The following TSHZ2 variants were observed in gnomAD, a reference collection of about 807,000 sequenced individuals.
The protein encoded by TSHZ2 is teashirt homolog 2.
Under a neutral mutation model 74.4 loss-of-function variants are expected in TSHZ2, and 21 were observed. The observed-to-expected ratio is 0.28, with a 90% confidence interval of 0.20 to 0.41. The LOEUF is 0.41. Ranked by LOEUF, TSHZ2 falls within the 10% of genes least tolerant of loss-of-function variation. The pLI, the probability that TSHZ2 is intolerant of heterozygous loss-of-function variation, is 1.00. For missense variants in TSHZ2, 1,244 were observed against 1,293.5 expected, an observed-to-expected ratio of 0.96 and a Z score of 0.59; for synonymous variants, 540 against 515.3, an observed-to-expected ratio of 1.05 and a Z score of -0.65.
chr20:53,029,963 G>A (rs1983578893), intron 1 of TSHZ2, among the ~76,000 whole-genome samples: 1 of 152,096 alleles, frequency 6.6e-6, no homozygotes, highest in Admixed American at 6.5e-5. Context: ...CCTGTGAGCT[G>A]CATGCTTCTG....
chr20:53,278,866 T>C (rs1294735281), intron 2 of TSHZ2, among the ~76,000 whole-genome samples: 1 of 152,192 alleles, frequency 6.6e-6, no homozygotes, highest in Non-Finnish European at 1.5e-5. Context: ...TTAGCAGTGC[T>C]GATCCTCTGC....
chr20:53,281,259 A>G (rs1238523651), intron 2 of TSHZ2, among the ~76,000 whole-genome samples: 3 of 152,210 alleles, frequency 2.0e-5, no homozygotes, highest in African/African-American at 7.2e-5. Flanking sequence ...GACCTAAATA[A>G]TGAGAAGCAG....
At chr20:53,125,298 G>A (rs1986916976) in intron 1 of TSHZ2, among the ~76,000 whole-genome samples, 1 of 152,114 alleles carries the variant, frequency 6.6e-6, no homozygotes, top group South Asian at 2.1e-4. Flanking sequence ...AGTCCTCCCT[G>A]GGCATAAGTC....
chr20:53,454,974 A>G (rs1984995110), intron 2 of TSHZ2, among the ~76,000 whole-genome samples: 1 of 151,040 alleles, frequency 6.6e-6, no homozygotes, highest in African/African-American at 2.4e-5. Flanking sequence ...CTTTCTTACC[A>G]CTCCCTAATT....
At chr20:53,324,693 G>A (rs912204463) in intron 2 of TSHZ2, among the ~76,000 whole-genome samples, 17 of 152,088 alleles carry the variant, frequency 1.1e-4, no homozygotes, top group Admixed American at 9.2e-4. Flanking sequence ...CACCTCCTCC[G>A]TGAAGACCTT....
intron 1 of TSHZ2, among the ~76,000 whole-genome samples, chr20:53,250,491 T>A (rs988559146): frequency 6.6e-6 from 1 of 151,918 alleles, no homozygotes; most frequent in Non-Finnish European, 1.5e-5. Flanking sequence ...GGTGTTTTTT[T>A]AAAAAAAACT....
intron 2 of TSHZ2, among the ~76,000 whole-genome samples, chr20:53,481,588 G>C (rs1465416142): frequency 6.8e-6 from 1 of 146,008 alleles, no homozygotes; most frequent in Non-Finnish European, 1.5e-5. Context: ...AAAAAAAATA[G>C]AAAAAAAAAA....
At chr20:53,347,951 C>T (rs1055475639) in intron 2 of TSHZ2, among the ~76,000 whole-genome samples, 1 of 152,166 alleles carries the variant, frequency 6.6e-6, no homozygotes, top group African/African-American at 2.4e-5. Flanking sequence ...AAAAGAAACT[C>T]CCATACCCGT....
chr20:53,042,789 C>T (rs1243261817), intron 1 of TSHZ2, among the ~76,000 whole-genome samples: 5 of 151,722 alleles, frequency 3.3e-5, no homozygotes, highest in South Asian at 4.2e-4. Context: ...GGAAAATTTG[C>T]GGAAATCTAT....
intron 1 of TSHZ2, among the ~76,000 whole-genome samples, chr20:53,220,912 C>G (rs780836445): frequency 2.0e-5 from 3 of 152,242 alleles, no homozygotes; most frequent in Non-Finnish European, 4.4e-5. Flanking sequence ...AGATTGCCAT[C>G]TGGCAGGAAT....
At chr20:52,983,700 G>A (rs1220212094) in intron 1 of TSHZ2, among the ~76,000 whole-genome samples, 2 of 152,224 alleles carry the variant, frequency 1.3e-5, no homozygotes, top group Non-Finnish European at 2.9e-5. Flanking sequence ...TGCGCATCGT[G>A]ACATCACGTG....
intron 2 of TSHZ2, among the ~76,000 whole-genome samples, chr20:53,339,451 C>A (rs916121617): frequency 1.3e-5 from 2 of 152,122 alleles, no homozygotes; most frequent in Non-Finnish European, 1.5e-5. Flanking sequence ...CTCATCATGG[C>A]GTATTCTGCC....
chr20:53,349,627 G>A (rs1055369014), intron 2 of TSHZ2, among the ~76,000 whole-genome samples: 1 of 147,772 alleles, frequency 6.8e-6, no homozygotes, highest in Admixed American at 6.8e-5. Flanking sequence ...ACTCCAGCCT[G>A]GGTGACAGAG....
At chr20:53,242,893 T>C (rs1990106530) in intron 1 of TSHZ2, among the ~76,000 whole-genome samples, 1 of 152,154 alleles carries the variant, frequency 6.6e-6, no homozygotes, top group Admixed American at 6.5e-5. Context: ...GGTATAGCAA[T>C]GGGATACAGT....
rs549477837 is a variant in TSHZ2, at chr20:53,114,508, A to G, written c.41-138991A>G. 7.2e-5 allele frequency among the ~76,000 whole-genome samples: 11 copies of G among 152,354 alleles called. No homozygotes were observed. In the East Asian group the frequency reaches 2.1e-3, roughly 29 times the overall value. On this transcript the variant is annotated intron_variant, in intron 1 of 2. Transcript: ENST00000371497. ...CGTATACAGTAAGCACTCCATAAAT[A>G]CTAGCTACCACTGCTCTTTCCAGTG...
chr20:53,188,275 C>T (rs1417473639), intron 1 of TSHZ2, among the ~76,000 whole-genome samples: 1 of 152,204 alleles, frequency 6.6e-6, no homozygotes, highest in African/African-American at 2.4e-5. Context: ...CCTGTTCCCC[C>T]AGCTCTACAG....
intron 1 of TSHZ2, among the ~76,000 whole-genome samples, chr20:53,203,969 G>T (rs1989073691): frequency 6.6e-6 from 1 of 151,394 alleles, no homozygotes; most frequent in African/African-American, 2.4e-5. Context: ...CACTGAACTT[G>T]AAAGGCTTAG....
At chr20:53,245,797 A>G (rs1187715334) in intron 1 of TSHZ2, among the ~76,000 whole-genome samples, 1 of 152,142 alleles carries the variant, frequency 6.6e-6, no homozygotes, top group Non-Finnish European at 1.5e-5. Context: ...CAGGCTTGGG[A>G]TAGTCACTCC....
chr20:53,349,801 G>A (rs1282985096), intron 2 of TSHZ2, among the ~76,000 whole-genome samples: 2 of 152,102 alleles, frequency 1.3e-5, no homozygotes, highest in Admixed American at 1.3e-4. Context: ...TATTACTGTT[G>A]TAACAAGTTA....
Sources: gnomAD v4.1 joint callset for allele counts (sites outside exome capture counted in the v4.1 genomes callset) on GRCh38, gnomAD v4.1.1 for gene constraint, MANE v1.5 for transcripts, NCBI Gene and HGNC (gene_info 2026-07-23, HGNC 2026-07-21) for gene names.